RIMBP2: variants seen among roughly 807,000 people sequenced by gnomAD.
RIMBP2 encodes the protein RIMS-binding protein 2.
A neutral mutation model predicts 118.6 loss-of-function variants in RIMBP2; 48 were observed. The observed-to-expected ratio is 0.40, with a 90% CI of 0.32 to 0.51. The LOEUF is 0.51. Ranked by LOEUF, RIMBP2 falls within the 20% of genes least tolerant of loss-of-function variation. The probability of loss-of-function intolerance (pLI) is 0.41; values close to 1 mark genes in which losing one functional copy is unlikely to be tolerated. For missense variants in RIMBP2, 1,551 were observed against 1,768.3 expected, an observed-to-expected ratio of 0.88 and a Z score of 2.20; for synonymous variants, 762 against 742.9, an observed-to-expected ratio of 1.03 and a Z score of -0.42.
intron 1 of RIMBP2, among the ~76,000 whole-genome samples, chr12:130,668,735 A>C (rs914181956): frequency 3.3e-5 from 5 of 152,138 alleles, no homozygotes; most frequent in Admixed American, 6.5e-5. Flanking sequence ...CCCTGCCCTC[A>C]GGGTTAGCAG....
chr12:130,708,530 A>G (rs1424252416), intron 1 of RIMBP2, among the ~76,000 whole-genome samples: 3 of 151,998 alleles, frequency 2.0e-5, no homozygotes, highest in Non-Finnish European at 4.4e-5. Flanking sequence ...TCTACAAAAT[A>G]TAAAAAATTA....
rs1276833582 is a variant in RIMBP2, at chr12:130,535,747, A to ATG, written c.-216-17831_-216-17830insCA. On this transcript the variant is annotated intron_variant, in intron 2 of 22. Transcript: ENST00000690449. The stretch of plus-strand genomic sequence containing the variant: ...TATATACATATATATACATATATAT[A>ATG]TATATATATATATATATATATATAT... Among the ~76,000 whole-genome samples the ATG allele has an allele frequency of 2.2e-3, 68 of 31,412 alleles. 1 individual carries two copies. The highest frequency in any genetic ancestry group is 4.8e-3 in the Admixed American group (11 of 2,308). 20.6% of individuals were successfully genotyped at this position (31,412 alleles called of 152,430 possible). A position where few individuals can be genotyped will look rare whatever the true frequency, so the allele number is the denominator to read the frequency against.
At chr12:130,441,067 C>T (rs894127010) in intron 11 of RIMBP2, among the ~76,000 whole-genome samples, 1 of 152,146 alleles carries the variant, frequency 6.6e-6, no homozygotes, top group Non-Finnish European at 1.5e-5. Context: ...GAGTTCACAT[C>T]GCGGCGAAAA....
intron 1 of RIMBP2, among the ~76,000 whole-genome samples, chr12:130,637,983 C>T (rs1359729928): frequency 1.3e-5 from 2 of 151,938 alleles, no homozygotes; most frequent in Admixed American, 1.3e-4. Flanking sequence ...AACTTAATGA[C>T]CATGGGTTCT....
At chr12:130,686,504 C>G (rs2065052212) in intron 1 of RIMBP2, among the ~76,000 whole-genome samples, 1 of 152,224 alleles carries the variant, frequency 6.6e-6, no homozygotes, top group Admixed American at 6.5e-5. Flanking sequence ...CGTTGTGCTG[C>G]TGGCCCCAGT....
Position 130,703,853 on chromosome 12 carries a change from G to A in RIMBP2, c.-352+12369C>T, listed in dbSNP as rs962946005. ...AGAGAGATCGATCTAGAAGCACGGA[G>A]GGAACCCTGAGCCTGAGCCTGAACG... On this transcript the variant is annotated intron_variant, in intron 1 of 22. Transcript: ENST00000690449. This position sits in a 1 kb window ranked among gnomAD's most constrained non-coding sequence, Gnocchi z 5.7. 6.6e-6 allele frequency among the ~76,000 whole-genome samples: 1 copy of A among 152,136 alleles called. No homozygotes were observed. The highest frequency in any genetic ancestry group is 1.5e-5 in the Non-Finnish European group (1 of 68,020).
In RIMBP2 at chr12:130,646,465, C is replaced by CACCACCT. The variant is rs2062978229; in HGVS notation, c.-351-18010_-351-18009insAGGTGGT. On this transcript the variant is annotated intron_variant, in intron 1 of 22. Transcript: ENST00000690449. ...TTGCCACCTCCCTCGCCACCTCCCTCGCTACCTCCCTCACTACTGCAAAAG... is the reference window on the plus strand; with the variant it reads ...TTGCCACCTCCCTCGCCACCTCCCTCACCACCTGCTACCTCCCTCACTACTGCAAAAG... 1.3e-5 allele frequency among the ~76,000 whole-genome samples: 2 copies of CACCACCT among 150,604 alleles called. 1 individual carries two copies. Among genetic ancestry groups the CACCACCT allele is most frequent in the Non-Finnish European group, 3.0e-5 (2 of 67,634 alleles).
At chr12:130,679,089 A>C (rs1404351201) in intron 1 of RIMBP2, among the ~76,000 whole-genome samples, 1 of 152,176 alleles carries the variant, frequency 6.6e-6, no homozygotes, top group African/African-American at 2.4e-5. Flanking sequence ...ATAAAAAAAG[A>C]CTAACCTGAT....
chr12:130,439,932 T>G (rs1315655537), intron 11 of RIMBP2, among the ~76,000 whole-genome samples: 12 of 151,298 alleles, frequency 7.9e-5, no homozygotes, highest in African/African-American at 2.2e-4. Context: ...TGTCTGTGGG[T>G]GTGTGTACAT....
intron 2 of RIMBP2, among the ~76,000 whole-genome samples, chr12:130,518,501 A>G (rs148505371): frequency 1.5e-4 from 23 of 152,346 alleles, no homozygotes; most frequent in African/African-American, 5.3e-4. Flanking sequence ...TAAGGTCACC[A>G]CATGACCTGA....
At chr12:130,661,531 A>G (rs1303615347) in intron 1 of RIMBP2, among the ~76,000 whole-genome samples, 2 of 152,124 alleles carry the variant, frequency 1.3e-5, no homozygotes, top group Non-Finnish European at 2.9e-5. Context: ...TGCACAAACT[A>G]AAAAGAGGTG....
chr12:130,462,455 C>T (rs1412176996), intron 6 of RIMBP2, among the ~76,000 whole-genome samples: 5 of 152,210 alleles, frequency 3.3e-5, no homozygotes, highest in South Asian at 4.1e-4. Flanking sequence ...GCACGCTACT[C>T]GGCGTGACCA....
chr12:130,491,372 T>C (rs1267804577), intron 4 of RIMBP2, among the ~76,000 whole-genome samples: 1 of 152,220 alleles, frequency 6.6e-6, no homozygotes, highest in Non-Finnish European at 1.5e-5. Context: ...TGCTCTCTGC[T>C]GTCTAAGAGG....
chr12:130,676,370 A>C (rs2064468655), intron 1 of RIMBP2, among the ~76,000 whole-genome samples: 2 of 151,614 alleles, frequency 1.3e-5, no homozygotes, highest in African/African-American at 4.8e-5. Context: ...CACGCCTGTA[A>C]CACCAGCACT....
At chr12:130,515,122 C>T (rs531721439) in intron 3 of RIMBP2, among the ~76,000 whole-genome samples, 21 of 152,242 alleles carry the variant, frequency 1.4e-4, no homozygotes, top group Admixed American at 4.6e-4. Flanking sequence ...GTGATCCGCC[C>T]GCCTCGGCCT....
At chr12:130,707,750 G>A (rs1949603637) in intron 1 of RIMBP2, among the ~76,000 whole-genome samples, 1 of 152,164 alleles carries the variant, frequency 6.6e-6, no homozygotes, top group Non-Finnish European at 1.5e-5. Context: ...GACAAGACCA[G>A]GGGTCTCTGG....
chr12:130,709,591 G>A (rs1949748584), intron 1 of RIMBP2, among the ~76,000 whole-genome samples: 1 of 152,214 alleles, frequency 6.6e-6, no homozygotes, highest in African/African-American at 2.4e-5. Context: ...AGGGAAGGAA[G>A]AGTCGGAAAC....
At chr12:130,402,156 G>A (rs779604077) in intron 21 of RIMBP2, among the ~76,000 whole-genome samples, 9 of 152,192 alleles carry the variant, frequency 5.9e-5, no homozygotes, top group African/African-American at 9.7e-5. Context: ...GTGCTACTGC[G>A]TCCAAAGTGA....
intron 3 of RIMBP2, among the ~76,000 whole-genome samples, chr12:130,510,793 G>A (rs1161076705): frequency 1.3e-5 from 2 of 152,204 alleles, no homozygotes; most frequent in East Asian, 1.9e-4. Context: ...CATGGACCTC[G>A]TCTCATGCCA....
Sources: gnomAD v4.1 joint callset for allele counts (sites outside exome capture counted in the v4.1 genomes callset) on GRCh38, gnomAD v4.1.1 for gene constraint, Gnocchi (gnomAD v3.1) non-coding constraint, MANE v1.5 for transcripts, NCBI Gene and HGNC (gene_info 2026-07-23, HGNC 2026-07-21) for gene names.